The following ZNF331 variants were observed in gnomAD, a reference collection of about 807,000 sequenced individuals.
ZNF331 encodes the protein zinc finger protein 331.
In ZNF331, 2 loss-of-function variants were observed where a neutral mutation model predicts 7.0. The ratio of observed to expected loss-of-function variants is 0.29; its 90% CI spans 0.12 to 0.90. The LOEUF (loss-of-function observed/expected upper bound fraction) is 0.90, where lower values mean the gene tolerates loss of function less well. Ranked by LOEUF, ZNF331 falls within the 40% of genes least tolerant of loss-of-function variation. The pLI is 0.58. For synonymous variants in ZNF331, 196 were observed against 205.4 expected, an observed-to-expected ratio of 0.95 and a Z score of 0.39; for missense variants, 432 against 587.7, an observed-to-expected ratio of 0.74 and a Z score of 2.74.
At position 53,571,793 on chromosome 19, in the gene ZNF331, T is replaced by A; in HGVS notation, c.136+63T>A. ...GGAATATCCGCTCTCCCCTGTGAAT[T>A]TCAGGACCGCCTTTCAAGAAACTAG... On this transcript the variant is annotated intron_variant, in intron 5 of 5. Transcript: ENST00000449416. This position sits in a 1 kb window ranked among gnomAD's most constrained non-coding sequence, Gnocchi z 4.7. 1.3e-6 allele frequency: 2 copies of A among 1,528,050 alleles called. No homozygotes were observed. The highest frequency in any genetic ancestry group is 1.8e-6 in the Non-Finnish European group (2 of 1,137,520). 94.7% of individuals were successfully genotyped at this position (1,528,050 alleles called of 1,614,324 possible). A position where few individuals can be genotyped will look rare whatever the true frequency, so the allele number is the denominator to read the frequency against.
At chr19:53,548,586 A>G (rs953827949) in intron 2 of ZNF331, among the ~76,000 whole-genome samples, 1 of 152,214 alleles carries the variant, frequency 6.6e-6, no homozygotes, top group South Asian at 2.1e-4. Flanking sequence ...CTTATCAGAT[A>G]TATGGTTTGA....
chr19:53,559,198 G>A lies in ZNF331; in HGVS notation c.-74+3290G>A, dbSNP rs146882714. On this transcript the variant is annotated intron_variant, in intron 3 of 5. Transcript: ENST00000449416. ...CCATACATATACAAACACACCCCAT[G>A]TACACACCTACATATAGAGACACAT... Among the ~76,000 whole-genome samples the A allele has an allele frequency of 8.9e-4, 89 of 100,538 alleles. No homozygotes were observed. In the East Asian group the frequency reaches 0.015, roughly 17 times the overall value. 66.0% of individuals were successfully genotyped at this position (100,538 alleles called of 152,430 possible).
chr19:53,514,943 C>T (rs1207037281), upstream of ZNF331, among the ~76,000 whole-genome samples: 3 of 152,150 alleles, frequency 2.0e-5, no homozygotes, highest in Non-Finnish European at 2.9e-5. Context: ...GCCATGGTGC[C>T]CCGCCAAAGC....
At chr19:53,512,325 G>A in the ZNF331 span, 1 of 153,060 alleles carries the variant, frequency 6.5e-6, no homozygotes, top group African/African-American at 2.4e-5. Flanking sequence ...GGAGCTGGGT[G>A]AGGCCAGAAA....
chr19:53,566,188 A>G (rs927420929), intron 3 of ZNF331, among the ~76,000 whole-genome samples: 2 of 151,986 alleles, frequency 1.3e-5, no homozygotes, highest in African/African-American at 4.8e-5. Context: ...TCCCAGGGGC[A>G]TCACACCGGA....
At position 53,555,851 on chromosome 19, in the gene ZNF331, A is replaced by G. The variant is rs1183576426; in HGVS notation, c.-131A>G. On this transcript the variant is annotated 5_prime_UTR_variant, in exon 3 of 6. Transcript: ENST00000449416. Reference sequence around the variant, plus strand: ...CTGGTTCTGTTTTCCCCAGGCCAGCATCCTTCAGAAAAAGCATCCCCGAGG... The same window carrying G: ...CTGGTTCTGTTTTCCCCAGGCCAGCGTCCTTCAGAAAAAGCATCCCCGAGG... The G allele has an allele frequency of 2.6e-5, 4 of 151,390 alleles. No individual in the cohort carries two copies. The South Asian group carries it at 8.3e-4, about 32-fold the overall frequency. The allele number at this position is 151,390 out of a possible 1,614,324, so 9.4% of individuals were successfully genotyped here. A position where few individuals can be genotyped will look rare whatever the true frequency, so the allele number is the denominator to read the frequency against.
the ZNF331 span, among the ~76,000 whole-genome samples, chr19:53,511,609 A>G: frequency 6.6e-6 from 1 of 152,246 alleles, no homozygotes; most frequent in Non-Finnish European, 1.5e-5. Flanking sequence ...CCATGATGTC[A>G]TCAAGCGTAA....
rs2087982823 is a variant in ZNF331, at chr19:53,539,484, T to A, written c.-138+202T>A. The A allele has an allele frequency of 6.6e-6, 1 of 152,056 alleles. No homozygotes were observed. Among genetic ancestry groups the A allele is most frequent in the South Asian group, 2.1e-4 (1 of 4,818 alleles). The allele number at this position is 152,056 out of a possible 1,614,324, so 9.4% of individuals were successfully genotyped here. On this transcript the variant is annotated intron_variant, in intron 2 of 5. Transcript: ENST00000449416. This position sits in a 1 kb window ranked among gnomAD's most constrained non-coding sequence, Gnocchi z 6.1. ...CGCACCCCTGAGTGGGAGTGCACAG[T>A]GAGTGCTGCTGTTTTGTGCTAAGTC...
Position 53,560,519 on chromosome 19 carries a change from G to C in ZNF331, c.-74+4611G>C, listed in dbSNP as rs2089819475. Among the ~76,000 whole-genome samples the C allele has an allele frequency of 5.3e-5, 8 of 152,244 alleles. No individual in the cohort carries two copies. The South Asian group carries it at 1.7e-3, about 32-fold the overall frequency. ...TTTTTCAATATTAGGCCTTATATCAGTTTATTTTTGCTGTTTTAACAAATT... is the reference window on the plus strand; with the variant it reads ...TTTTTCAATATTAGGCCTTATATCACTTTATTTTTGCTGTTTTAACAAATT... On this transcript the variant is annotated intron_variant, in intron 3 of 5. Coordinates refer to ENST00000449416, the MANE Select transcript of ZNF331 (RefSeq NM_001079906.2). The surrounding 1 kb of genome is among the most constrained non-coding windows in gnomAD (Gnocchi z 4.3).
In ZNF331 at chr19:53,571,534, G is replaced by A; in HGVS notation, c.10-70G>A. The stretch of plus-strand genomic sequence containing the variant: ...CGGTGTTCACCCTACCCAGAGGGTG[G>A]CCTCCTGTCTCCTTCATCTGGAAGC... On this transcript the variant is annotated intron_variant, in intron 4 of 5. Transcript: ENST00000449416. The surrounding 1 kb of genome is among the most constrained non-coding windows in gnomAD (Gnocchi z 4.7). 2 of 1,584,450 alleles carry A rather than the reference G, an allele frequency of 1.3e-6. No homozygotes were observed. Among genetic ancestry groups the A allele is most frequent in the Non-Finnish European group, 1.7e-6 (2 of 1,165,428 alleles).
chr19:53,571,580 T>C lies in ZNF331; in HGVS notation c.10-24T>C. On this transcript the variant is annotated intron_variant, in intron 4 of 5. Transcript: ENST00000449416. The surrounding 1 kb of genome is among the most constrained non-coding windows in gnomAD (Gnocchi z 4.7). Reference sequence around the variant, plus strand: ...GAAGCTGTTTCCTTTCATTTCATCATGCACGTGTGGGTTTCTGTTTCAGGG... The same window carrying C: ...GAAGCTGTTTCCTTTCATTTCATCACGCACGTGTGGGTTTCTGTTTCAGGG... The C allele has an allele frequency of 2.5e-6, 4 of 1,611,164 alleles. No homozygotes were observed. The highest frequency in any genetic ancestry group is 3.4e-6 in the Non-Finnish European group (4 of 1,178,708).
At chr19:53,544,313 A>G (rs1052279940) in intron 2 of ZNF331, among the ~76,000 whole-genome samples, 1 of 151,660 alleles carries the variant, frequency 6.6e-6, no homozygotes, top group East Asian at 1.9e-4. Flanking sequence ...TGGGAGGCCA[A>G]GGTGGGCGGA....
At chr19:53,520,780 C>G (rs1010433083), upstream of ZNF331, among the ~76,000 whole-genome samples, 9 of 151,406 alleles carry the variant, frequency 5.9e-5, no homozygotes, top group African/African-American at 1.9e-4. Context: ...GGGTTATGAG[C>G]TACATTTCCC....
chr19:53,506,625 C>T, the ZNF331 span, among the ~76,000 whole-genome samples: 1 of 151,918 alleles, frequency 6.6e-6, no homozygotes, highest in African/African-American at 2.4e-5. Flanking sequence ...TGTGATTACA[C>T]GGAGAAAAAA....
upstream of ZNF331, chr19:53,521,020 C>G (rs1359525551): frequency 6.6e-6 from 1 of 152,300 alleles, no homozygotes. Context: ...TCCCAGAGGG[C>G]CTTGGGGCAC....
At chr19:53,535,036 A>T (rs1192421393), upstream of ZNF331, among the ~76,000 whole-genome samples, 1 of 151,214 alleles carries the variant, frequency 6.6e-6, no homozygotes, top group Non-Finnish European at 1.5e-5. Context: ...AAAAAAAAAA[A>T]AAATTATTCC....
chr19:53,544,373 A>G (rs111995559), intron 2 of ZNF331, among the ~76,000 whole-genome samples: 2,465 of 149,488 alleles, frequency 0.016, 47 homozygotes, highest in African/African-American at 0.047. Flanking sequence ...GTGAAACCCC[A>G]TCTCTACTAA....
intron 3 of ZNF331, among the ~76,000 whole-genome samples, chr19:53,562,902 C>T (rs1406752975): frequency 5.9e-5 from 9 of 151,618 alleles, no homozygotes; most frequent in Non-Finnish European, 8.8e-5. Context: ...GCAGGAGAAT[C>T]GCTTGAACTC....
chr19:53,561,091 G>A (rs773810239), intron 3 of ZNF331, among the ~76,000 whole-genome samples: 1 of 152,010 alleles, frequency 6.6e-6, no homozygotes. Flanking sequence ...CCAGGAGATC[G>A]AAGCTGCAGT....
Sources: allele counts gnomAD v4.1 joint callset (sites outside exome capture counted in the v4.1 genomes callset), GRCh38; gene constraint gnomAD v4.1.1; non-coding constraint Gnocchi (gnomAD v3.1); transcripts MANE v1.5; gene names NCBI Gene and HGNC (gene_info 2026-07-23, HGNC 2026-07-21).